ANK3: variants seen among roughly 807,000 people sequenced by gnomAD.
ANK3 encodes the protein ankyrin 3.
In ANK3, 57 loss-of-function variants were observed where a neutral mutation model predicts 370.9. That is an observed-to-expected ratio of 0.15 (90% confidence interval 0.12 to 0.19). The LOEUF is 0.19. Ranked by LOEUF, ANK3 falls within the 10% of genes least tolerant of loss-of-function variation. The probability of loss-of-function intolerance (pLI) is 1.00; values close to 1 mark genes in which losing one functional copy is unlikely to be tolerated. For synonymous variants in ANK3, 1,929 were observed against 1,946.3 expected (o/e 0.99, Z 0.23); for missense variants, 4,439 against 5,302.1 (o/e 0.84, Z 5.06).
At chr10:60,092,889 C>T (rs1405258651) in intron 28 of ANK3, among the ~76,000 whole-genome samples, 5 of 152,172 alleles carry the variant, frequency 3.3e-5, no homozygotes, top group African/African-American at 9.7e-5. Context: ...GCGTGTGCCA[C>T]CACGCCCAGC....
chr10:60,572,356 C>T, intron 2 of ANK3: 1 of 1,090,578 alleles, frequency 9.2e-7, no homozygotes, highest in Non-Finnish European at 1.3e-6. Flanking sequence ...CAGATTCTAG[C>T]AGCTTCTTAA....
At chr10:60,542,528 T>C (rs965570352) in intron 2 of ANK3, among the ~76,000 whole-genome samples, 6 of 151,872 alleles carry the variant, frequency 4.0e-5, no homozygotes, top group African/African-American at 1.4e-4. Flanking sequence ...TTATAGCAGA[T>C]GTGGATAAAA....
intron 1 of ANK3, among the ~76,000 whole-genome samples, chr10:60,380,437 C>A (rs187551545): frequency 2.6e-5 from 4 of 152,214 alleles, no homozygotes; most frequent in Admixed American, 2.6e-4. Flanking sequence ...GGAAATCAGA[C>A]CAACTGGGGT....
intron 21 of ANK3, among the ~76,000 whole-genome samples, chr10:60,168,604 TAAAC>T (rs2095688416): frequency 6.6e-6 from 1 of 152,122 alleles, no homozygotes; most frequent in African/African-American, 2.4e-5. Context: ...GTTACATAGG[TAAAC>T]AAATGTGTGC....
At chr10:60,492,342 T>C (rs1473320807) in intron 2 of ANK3, among the ~76,000 whole-genome samples, 1 of 152,126 alleles carries the variant, frequency 6.6e-6, no homozygotes, top group African/African-American at 2.4e-5. Flanking sequence ...TTGTGAGGTC[T>C]TTAAAAGGGG....
At chr10:60,380,747 C>G (rs1318977010) in intron 1 of ANK3, among the ~76,000 whole-genome samples, 1 of 152,080 alleles carries the variant, frequency 6.6e-6, no homozygotes, top group African/African-American at 2.4e-5. Context: ...ATGAAAATGT[C>G]TAAGGAAAGA....
chr10:60,441,911 A>C (rs1005324300), intron 2 of ANK3, among the ~76,000 whole-genome samples: 2 of 152,036 alleles, frequency 1.3e-5, no homozygotes, highest in Non-Finnish European at 2.9e-5. Flanking sequence ...TTTTTCACTC[A>C]GCAGAATTTT....
intron 28 of ANK3, among the ~76,000 whole-genome samples, chr10:60,101,165 C>T (rs1031868512): frequency 3.3e-5 from 5 of 152,132 alleles, no homozygotes; most frequent in African/African-American, 4.8e-5. Context: ...TACTCATCCT[C>T]GCGTATCTGG....
intron 25 of ANK3, among the ~76,000 whole-genome samples, chr10:60,119,819 T>G (rs2093354406): frequency 6.6e-6 from 1 of 152,124 alleles, no homozygotes. Flanking sequence ...TAACAGAGAT[T>G]CCATGTTCAT....
In ANK3 at chr10:60,689,549, C is replaced by T. The variant is rs537034099; in HGVS notation, c.57+43714G>A. Among the ~76,000 whole-genome samples, 415 of 151,924 alleles carry T rather than the reference C, an allele frequency of 2.7e-3. 3 individuals carry two copies. Among genetic ancestry groups the T allele is most frequent in the Admixed American group, 0.017 (264 of 15,280 alleles). ...GGTGGATCACTTGAGCTCAGGAGTTCGAGACCAGCCTGGCTAACATGGCAA... is the reference window on the plus strand; with the variant it reads ...GGTGGATCACTTGAGCTCAGGAGTTTGAGACCAGCCTGGCTAACATGGCAA... On this transcript the variant is annotated intron_variant, in intron 1 of 43. Transcript: ENST00000373827.
intron 2 of ANK3, among the ~76,000 whole-genome samples, chr10:60,423,574 A>G (rs930102799): frequency 6.6e-6 from 1 of 152,020 alleles, no homozygotes; most frequent in African/African-American, 2.4e-5. Context: ...TCTGTGGACA[A>G]CTGCCTTGAC....
intron 2 of ANK3, among the ~76,000 whole-genome samples, chr10:60,554,601 T>C (rs934143445): frequency 6.6e-6 from 1 of 152,166 alleles, no homozygotes; most frequent in African/African-American, 2.4e-5. Context: ...CAAAAACCAC[T>C]ATGAATTTCA....
chr10:60,539,152 A>G (rs1014422204), intron 2 of ANK3, among the ~76,000 whole-genome samples: 1 of 151,966 alleles, frequency 6.6e-6, no homozygotes, highest in Non-Finnish European at 1.5e-5. Context: ...TGAAACTACC[A>G]TTAATACTTG....
intron 2 of ANK3, among the ~76,000 whole-genome samples, chr10:60,444,051 T>C (rs2064370601): frequency 6.6e-6 from 1 of 152,060 alleles, no homozygotes; most frequent in African/African-American, 2.4e-5. Flanking sequence ...TGTCAGAATT[T>C]TCATTAAAAA....
intron 1 of ANK3, among the ~76,000 whole-genome samples, chr10:60,716,687 T>C (rs539797012): frequency 6.6e-6 from 1 of 152,250 alleles, no homozygotes; most frequent in Admixed American, 6.5e-5. Flanking sequence ...CTAACTTTTT[T>C]TTACTTTTAG....
chr10:60,221,622 T>C (rs2097060053), intron 8 of ANK3, among the ~76,000 whole-genome samples: 1 of 152,154 alleles, frequency 6.6e-6, no homozygotes. Flanking sequence ...TATAAGAGTA[T>C]AATATTGATT....
upstream of ANK3, among the ~76,000 whole-genome samples, chr10:60,393,970 G>T (rs779885267): frequency 4.0e-5 from 6 of 151,722 alleles, no homozygotes; most frequent in Non-Finnish European, 7.4e-5. Flanking sequence ...GCCAGGGAGG[G>T]TGTGCCTCCT....
intron 1 of ANK3, among the ~76,000 whole-genome samples, chr10:60,698,432 T>G (rs1260915721): frequency 2.6e-3 from 387 of 149,684 alleles, no homozygotes; most frequent in Middle Eastern, 0.01. Flanking sequence ...AAATCATGGT[T>G]CTATAAAGAC....
upstream of ANK3, among the ~76,000 whole-genome samples, chr10:60,394,720 C>T (rs182719042): frequency 1.5e-4 from 23 of 152,280 alleles, no homozygotes; most frequent in Non-Finnish European, 1.5e-5. Flanking sequence ...TAGTGCCTGG[C>T]AGAGTTCTGA....
Sources: gnomAD v4.1 joint callset for allele counts (sites outside exome capture counted in the v4.1 genomes callset) on GRCh38, gnomAD v4.1.1 for gene constraint, MANE v1.5 for transcripts, NCBI Gene and HGNC (gene_info 2026-07-23, HGNC 2026-07-21) for gene names.